Variants in SDK1 observed in about 807,000 individuals in gnomAD.
SDK1 encodes sidekick cell adhesion molecule 1, also known as protein sidekick-1.
Under a neutral mutation model 245.5 loss-of-function variants are expected in SDK1, and 157 were observed. The ratio of observed to expected loss-of-function variants is 0.64; its 90% CI spans 0.56 to 0.73. SDK1 has a LOEUF of 0.73. Among genes scored for constraint, SDK1 ranks in the 30% least tolerant of loss-of-function variants. The pLI, the probability that SDK1 is intolerant of heterozygous loss-of-function variation, is 0.00. For missense variants in SDK1, 3,583 were observed against 3,002.3 expected (o/e 1.19, Z -4.52); for synonymous variants, 1,647 against 1,278.5 (o/e 1.29, Z -6.15).
intron 5 of SDK1, among the ~76,000 whole-genome samples, chr7:3,822,667 C>T (rs1779674858): frequency 6.6e-6 from 1 of 151,594 alleles, no homozygotes; most frequent in Non-Finnish European, 1.5e-5. Context: ...ACAGGGGAGG[C>T]TGAGGCAGGA....
At chr7:4,197,472 A>G (rs963279288) in intron 35 of SDK1, among the ~76,000 whole-genome samples, 6 of 152,102 alleles carry the variant, frequency 3.9e-5, no homozygotes, top group Admixed American at 3.9e-4. Context: ...TGGGAAACAG[A>G]GCAAGACCCC....
At chr7:3,643,795 C>T (rs932989806) in intron 4 of SDK1, 1 of 151,846 alleles carries the variant, frequency 6.6e-6, no homozygotes, top group African/African-American at 2.4e-5. Context: ...CTGTGGAATC[C>T]TTTCCCTAAG....
chr7:3,935,310 C>T (rs978302489), intron 5 of SDK1, among the ~76,000 whole-genome samples: 12 of 152,084 alleles, frequency 7.9e-5, no homozygotes, highest in Admixed American at 2.6e-4. Context: ...CTATAAAACT[C>T]CTAGAAGAAA....
chr7:4,087,374 G>A (rs984132327), intron 22 of SDK1, among the ~76,000 whole-genome samples: 2 of 152,026 alleles, frequency 1.3e-5, no homozygotes, highest in Admixed American at 6.6e-5. Context: ...GGTTATTCAT[G>A]CACTAATTCC....
Position 4,073,816 on chromosome 7 carries a change from C to T in SDK1, c.3011-3182C>T, listed in dbSNP as rs557599154. ...AAACCCAAAGAATGGACTCAGAGAC[C>T]CGGAGAACAGCGAAAGTGAGACTTT... On this transcript the variant is annotated intron_variant, in intron 20 of 44. Coordinates refer to ENST00000404826, the MANE Select transcript of SDK1 (RefSeq NM_152744.4). Among the ~76,000 whole-genome samples the T allele has an allele frequency of 3.9e-5, 6 of 152,210 alleles. 1 individual carries two copies. Among genetic ancestry groups the T allele is most frequent in the African/African-American group, 1.4e-4 (6 of 41,526 alleles).
At chr7:4,102,830 A>T (rs1299563788) in intron 22 of SDK1, among the ~76,000 whole-genome samples, 70 of 152,084 alleles carry the variant, frequency 4.6e-4, no homozygotes, top group Admixed American at 4.6e-3. Flanking sequence ...CGTGGGTATA[A>T]CAGACAGACA....
At chr7:3,352,324 ATTC>A (rs778434514) in intron 1 of SDK1, among the ~76,000 whole-genome samples, 22 of 151,938 alleles carry the variant, frequency 1.4e-4, no homozygotes, top group Non-Finnish European at 2.9e-4. Context: ...ATTTTTGTGA[ATTC>A]TTCTTAGGAG....
At chr7:4,063,848 A>C (rs762776461) in intron 19 of SDK1, among the ~76,000 whole-genome samples, 2 of 152,182 alleles carry the variant, frequency 1.3e-5, no homozygotes. Context: ...TTTTCGATAA[A>C]GGTGGCAGGA....
Position 4,034,610 on chromosome 7 carries a change from G to T in SDK1, c.2603-14738G>T, listed in dbSNP as rs528936304. Among the ~76,000 whole-genome samples the T allele has an allele frequency of 4.6e-5, 7 of 152,276 alleles. 2 individuals carry two copies. The highest frequency in any genetic ancestry group is 1.7e-4 in the African/African-American group (7 of 41,554). The stretch of plus-strand genomic sequence containing the variant: ...CAAACTGATGCAGCCCCTGAAGCAG[G>T]ACAAGTTAGCAGTAACTAATTAACC... On this transcript the variant is annotated intron_variant, in intron 17 of 44. Transcript: ENST00000404826.
At chr7:3,775,797 C>T (rs184536386) in intron 4 of SDK1, among the ~76,000 whole-genome samples, 13 of 152,070 alleles carry the variant, frequency 8.5e-5, no homozygotes, top group African/African-American at 2.7e-4. Context: ...AGGATGGTCT[C>T]GATCTCCTGA....
In SDK1 at chr7:4,189,346, A is replaced by G. The variant is rs114562177; in HGVS notation, c.5098+10760A>G. Reference sequence around the variant, plus strand: ...ATCGCAGCTCAAGGCTGAGGCTCACATGGTTACTCAGGCATGTTAAATATT... The same window carrying G: ...ATCGCAGCTCAAGGCTGAGGCTCACGTGGTTACTCAGGCATGTTAAATATT... On this transcript the variant is annotated intron_variant, in intron 35 of 44. Transcript: ENST00000404826. Among the ~76,000 whole-genome samples, 384 of 152,288 alleles carry G rather than the reference A, an allele frequency of 2.5e-3. 1 individual carries two copies. Among genetic ancestry groups the G allele is most frequent in the African/African-American group, 8.3e-3 (343 of 41,550 alleles).
At chr7:3,352,615 T>A (rs12700816) in intron 1 of SDK1, among the ~76,000 whole-genome samples, 33,878 of 152,140 alleles carry the variant, frequency 0.22, 4,439 homozygotes, top group East Asian at 0.38. Context: ...TATTTCTGTT[T>A]CCATGTTGAA....
intron 35 of SDK1, among the ~76,000 whole-genome samples, chr7:4,196,432 T>C (rs935680208): frequency 2.0e-5 from 3 of 152,214 alleles, no homozygotes; most frequent in African/African-American, 7.2e-5. Context: ...GAGAAACCTC[T>C]GATCTCTAAA....
intron 1 of SDK1, among the ~76,000 whole-genome samples, chr7:3,399,707 T>C (rs182460341): frequency 6.6e-6 from 1 of 152,200 alleles, no homozygotes; most frequent in East Asian, 1.9e-4. Flanking sequence ...CAGTTGATGA[T>C]TGGACACAAA....
At chr7:4,027,306 G>A (rs899390422) in intron 17 of SDK1, among the ~76,000 whole-genome samples, 1 of 152,224 alleles carries the variant, frequency 6.6e-6, no homozygotes. Context: ...TTAGTAAATA[G>A]AACTGGGCAT....
intron 35 of SDK1, among the ~76,000 whole-genome samples, chr7:4,194,968 T>C (rs866399272): frequency 3.3e-4 from 50 of 152,192 alleles, no homozygotes; most frequent in African/African-American, 1.1e-3. Flanking sequence ...TGAATTCCCC[T>C]GGAATTTTCT....
intron 1 of SDK1, among the ~76,000 whole-genome samples, chr7:3,420,286 T>G (rs1779501352): frequency 1.3e-5 from 2 of 152,236 alleles, no homozygotes; most frequent in South Asian, 4.1e-4. Flanking sequence ...ACAGAAAAGA[T>G]TTTAAAAGGT....
chr7:3,825,726 G>C (rs1336481671), intron 5 of SDK1, among the ~76,000 whole-genome samples: 1 of 152,172 alleles, frequency 6.6e-6, no homozygotes, highest in East Asian at 1.9e-4. Context: ...GAATGTCCAT[G>C]AACAGTCATT....
intron 1 of SDK1, among the ~76,000 whole-genome samples, chr7:3,535,451 A>G (rs575563495): frequency 2.6e-5 from 4 of 152,142 alleles, no homozygotes; most frequent in African/African-American, 9.6e-5. Context: ...TTTGCACCAT[A>G]TGGCTGCAGT....
Sources: gnomAD v4.1 joint callset for allele counts (sites outside exome capture counted in the v4.1 genomes callset) on GRCh38, gnomAD v4.1.1 for gene constraint, MANE v1.5 for transcripts, NCBI Gene and HGNC (gene_info 2026-07-23, HGNC 2026-07-21) for gene names.